Variants in SLC15A5 observed in about 807,000 individuals in gnomAD.
The protein encoded by SLC15A5 is solute carrier family 15 member 5.
Under a neutral mutation model 56.1 loss-of-function variants are expected in SLC15A5, and 58 were observed. That is an observed-to-expected ratio of 1.03 (90% CI 0.84 to 1.29). The LOEUF is 1.29. SLC15A5 is among the 50% of genes most tolerant of loss of function. The pLI, the probability that SLC15A5 is intolerant of heterozygous loss-of-function variation, is 0.00. For synonymous variants in SLC15A5, 264 were observed against 250.5 expected (o/e 1.05, Z -0.51); for missense variants, 681 against 672.1 (o/e 1.01, Z -0.15).
intron 4 of SLC15A5, among the ~76,000 whole-genome samples, chr12:16,240,937 C>T (rs1256909298): frequency 1.3e-5 from 2 of 151,998 alleles, no homozygotes; most frequent in African/African-American, 2.4e-5. Context: ...CTCAGCCTTC[C>T]GAGTAGCTGA....
chr12:16,255,302 A>C (rs1441249938), intron 3 of SLC15A5, among the ~76,000 whole-genome samples: 1 of 152,126 alleles, frequency 6.6e-6, no homozygotes, highest in Non-Finnish European at 1.5e-5. Context: ...CAGGTAATTC[A>C]CTGAAAAAGA....
At chr12:16,218,414 G>A (rs1429030354) in intron 6 of SLC15A5, among the ~76,000 whole-genome samples, 2 of 152,148 alleles carry the variant, frequency 1.3e-5, no homozygotes, top group African/African-American at 2.4e-5. Flanking sequence ...GCAGTCATGC[G>A]TGGCTTAATG....
At chr12:16,201,530 A>G (rs1863956062) in intron 7 of SLC15A5, among the ~76,000 whole-genome samples, 1 of 152,102 alleles carries the variant, frequency 6.6e-6, no homozygotes, top group Non-Finnish European at 1.5e-5. Context: ...TGTAATCCCC[A>G]TAATCCCCAT....
At chr12:16,223,986 G>A (rs1311179874) in intron 6 of SLC15A5, among the ~76,000 whole-genome samples, 1 of 152,174 alleles carries the variant, frequency 6.6e-6, no homozygotes, top group Non-Finnish European at 1.5e-5. Flanking sequence ...AAAGTGCTGG[G>A]ATTACAGGCG....
chr12:16,219,981 T>C (rs910871417), intron 6 of SLC15A5, among the ~76,000 whole-genome samples: 1 of 152,172 alleles, frequency 6.6e-6, no homozygotes, highest in Admixed American at 6.6e-5. Flanking sequence ...ATGAGGAATC[T>C]TCAAAATATA....
intron 8 of SLC15A5, among the ~76,000 whole-genome samples, chr12:16,193,668 C>T (rs1014527956): frequency 1.6e-4 from 25 of 151,892 alleles, no homozygotes; most frequent in African/African-American, 5.5e-4. Flanking sequence ...TATCAATATT[C>T]GTCCCCGTAA....
intron 7 of SLC15A5, among the ~76,000 whole-genome samples, chr12:16,213,167 C>T (rs184054365): frequency 8.6e-5 from 13 of 152,040 alleles, no homozygotes; most frequent in East Asian, 3.9e-4. Context: ...TGGATGGAGG[C>T]GCTTTGATAG....
intron 5 of SLC15A5, among the ~76,000 whole-genome samples, chr12:16,225,030 A>T (rs1405745829): frequency 6.6e-6 from 1 of 152,118 alleles, no homozygotes; most frequent in Non-Finnish European, 1.5e-5. Flanking sequence ...TTCCAGCTTC[A>T]TCCACGTTCC....
chr12:16,247,355 C>T (rs1864472480), intron 3 of SLC15A5, among the ~76,000 whole-genome samples: 1 of 152,148 alleles, frequency 6.6e-6, no homozygotes, highest in Non-Finnish European at 1.5e-5. Flanking sequence ...AAAGAAATGT[C>T]ATTACAATCA....
chr12:16,266,835 A>G (rs1210604590), intron 2 of SLC15A5, among the ~76,000 whole-genome samples: 3 of 152,186 alleles, frequency 2.0e-5, no homozygotes, highest in Non-Finnish European at 4.4e-5. Context: ...CAGTAAAAAT[A>G]TGTTTCTTTA....
At chr12:16,208,032 A>G (rs551627040) in intron 7 of SLC15A5, among the ~76,000 whole-genome samples, 63 of 151,822 alleles carry the variant, frequency 4.1e-4, no homozygotes, top group African/African-American at 1.5e-3. Context: ...TGCTCTTCCA[A>G]CTCCCCATTC....
intron 5 of SLC15A5, among the ~76,000 whole-genome samples, chr12:16,231,341 G>T (rs1239260229): frequency 3.3e-5 from 5 of 152,036 alleles, no homozygotes; most frequent in Non-Finnish European, 5.9e-5. Context: ...AAGGTAAAAA[G>T]TCAGAGAAAG....
chr12:16,248,430 CT>C (rs2080916350), intron 3 of SLC15A5, among the ~76,000 whole-genome samples: 1 of 151,954 alleles, frequency 6.6e-6, no homozygotes. Context: ...GTTAAGGAGA[CT>C]GAGAAGAGGT....
chr12:16,189,747 A>T lies in SLC15A5; in HGVS notation c.1661T>A (p.Leu554His), dbSNP rs1473369954. The T allele has an allele frequency of 2.0e-6, 3 of 1,530,212 alleles. No homozygotes were observed. Among genetic ancestry groups the T allele is most frequent in the Non-Finnish European group, 2.6e-6 (3 of 1,142,832 alleles). The allele number at this position is 1,530,212 out of a possible 1,614,324, so 94.8% of individuals were successfully genotyped here. A position where few individuals can be genotyped will look rare whatever the true frequency, so the allele number is the denominator to read the frequency against. The change falls in exon 9 of 9, where the codon CTC becomes CAC. Residue 554 changes from leucine (L) to histidine (H), a missense_variant. Transcript: ENST00000344941. ...ATAAAATTTCAGAGATTTTTCGTGG[A>T]GGAGAAGTGTTTCTTCAAGATTACT... is the stretch of plus-strand genomic sequence containing the variant. ...RGSNLEETLL[L>H]HEKSLKFYGS...
chr12:16,214,823 G>A (rs1716347871), intron 7 of SLC15A5, among the ~76,000 whole-genome samples: 1 of 152,084 alleles, frequency 6.6e-6, no homozygotes, highest in South Asian at 2.1e-4. Context: ...ACCTGAGGGA[G>A]TCTGTGGGGA....
intron 3 of SLC15A5, among the ~76,000 whole-genome samples, chr12:16,247,893 C>A (rs1368593393): frequency 1.3e-5 from 2 of 151,868 alleles, no homozygotes; most frequent in Admixed American, 1.3e-4. Context: ...ACCCTGGAAC[C>A]CTAGTAGCTG....
At chr12:16,257,472 C>T (rs959467522) in intron 3 of SLC15A5, among the ~76,000 whole-genome samples, 2 of 152,190 alleles carry the variant, frequency 1.3e-5, no homozygotes, top group East Asian at 1.9e-4. Context: ...ATCTCTACCT[C>T]TCAACTTTTC....
chr12:16,194,522 C>T, intron 7 of SLC15A5, 69 bp from the exon 8 acceptor site: 3 of 1,087,922 alleles, frequency 2.8e-6, no homozygotes, highest in Non-Finnish European at 4.0e-6. Flanking sequence ...TTTATCATTC[C>T]ACAATTCATA....
chr12:16,194,587 G>C (rs1863876441), intron 7 of SLC15A5, 134 bp from the exon 8 acceptor site: 2 of 549,512 alleles, frequency 3.6e-6, no homozygotes, highest in Non-Finnish European at 6.1e-6. Context: ...TCTGAAACTT[G>C]ATTGTCAAAA....
Sources: gnomAD v4.1 joint callset for allele counts (sites outside exome capture counted in the v4.1 genomes callset) on GRCh38, gnomAD v4.1.1 for gene constraint, MANE v1.5 for transcripts, NCBI Gene and HGNC (gene_info 2026-07-23, HGNC 2026-07-21) for gene names.